Variants in GDPD4 observed in about 807,000 individuals in gnomAD.
GDPD4 encodes the protein glycerophosphodiester phosphodiesterase 6.
GDPD4 carries 60 observed loss-of-function variants against 67.8 expected under a neutral mutation model. That is an observed-to-expected ratio of 0.88 (90% CI 0.72 to 1.10). The LOEUF (loss-of-function observed/expected upper bound fraction) is 1.10, where lower values mean the gene tolerates loss of function less well. Ranked by LOEUF, GDPD4 falls within the 50% of genes least tolerant of loss-of-function variation. The pLI is 0.00. For missense variants in GDPD4, 623 were observed against 613.9 expected, an observed-to-expected ratio of 1.01 and a Z score of -0.16; for synonymous variants, 212 against 210.9, an observed-to-expected ratio of 1.00 and a Z score of -0.04.
At position 77,235,013 on chromosome 11, in the gene GDPD4, T is replaced by TTTTTTTTTTTG. The variant is rs1565512446; in HGVS notation, c.1242-1842_1242-1841insCAAAAAAAAAA. On this transcript the variant is annotated intron_variant, in intron 13 of 16. Transcript: ENST00000315938. ...TCTGCAACCTTGTCAATATCTGTTT[T>TTTTTTTTTTTG]TTTTTTTTTTTTTTTTTTTTTTTTG... Among the ~76,000 whole-genome samples, 4 of 53,060 alleles carry TTTTTTTTTTTG rather than the reference T, an allele frequency of 7.5e-5. No homozygotes were observed. In the East Asian group the frequency reaches 1.9e-3, roughly 25 times the overall value. 34.8% of individuals were successfully genotyped at this position (53,060 alleles called of 152,430 possible).
intron 13 of GDPD4, among the ~76,000 whole-genome samples, chr11:77,235,578 A>C (rs897111964): frequency 6.6e-6 from 1 of 152,248 alleles, no homozygotes; most frequent in Non-Finnish European, 1.5e-5. Context: ...CAATGGAAGA[A>C]AGTCTTTTCA....
chr11:77,232,388 A>G (rs752106822), intron 14 of GDPD4, among the ~76,000 whole-genome samples: 4 of 152,190 alleles, frequency 2.6e-5, no homozygotes, highest in Non-Finnish European at 5.9e-5. Context: ...AGATAAGAAC[A>G]AGTTCTGTAG....
intron 16 of GDPD4, among the ~76,000 whole-genome samples, chr11:77,219,089 G>A (rs575318089): frequency 6.6e-6 from 1 of 152,182 alleles, no homozygotes; most frequent in African/African-American, 2.4e-5. Flanking sequence ...CATTCTAACT[G>A]GTGTGAGATG....
At chr11:77,219,950 T>C (rs1489396216) in intron 16 of GDPD4, among the ~76,000 whole-genome samples, 1 of 152,198 alleles carries the variant, frequency 6.6e-6, no homozygotes, top group Non-Finnish European at 1.5e-5. Context: ...CTGTTATTGG[T>C]GTATAGGAAT....
intron 11 of GDPD4, among the ~76,000 whole-genome samples, 196 bp downstream of exon 11, chr11:77,258,190 A>C (rs962974351): frequency 6.6e-6 from 1 of 152,212 alleles, no homozygotes; most frequent in African/African-American, 2.4e-5. Flanking sequence ...CTTTCTAGTG[A>C]ATGTAGAAAG....
chr11:77,286,659 T>C (rs985567748), intron 2 of GDPD4, among the ~76,000 whole-genome samples: 1 of 152,218 alleles, frequency 6.6e-6, no homozygotes, highest in Non-Finnish European at 1.5e-5. Context: ...TAATCACTTA[T>C]ACCATGTAGC....
intron 3 of GDPD4, among the ~76,000 whole-genome samples, chr11:77,283,332 G>A (rs1180047286): frequency 6.6e-6 from 1 of 152,194 alleles, no homozygotes; most frequent in Non-Finnish European, 1.5e-5. Flanking sequence ...AGAGTGACCA[G>A]TGTCATTTTG....
At chr11:77,222,090 C>A (rs1333670148) in intron 16 of GDPD4, among the ~76,000 whole-genome samples, 2 of 152,228 alleles carry the variant, frequency 1.3e-5, no homozygotes, top group East Asian at 3.9e-4. Flanking sequence ...ATCTTCCTCC[C>A]TCCCTTTATT....
At chr11:77,277,542 A>G (rs1319996359) in intron 4 of GDPD4, among the ~76,000 whole-genome samples, 1 of 151,232 alleles carries the variant, frequency 6.6e-6, no homozygotes, top group African/African-American at 2.4e-5. Flanking sequence ...AGCTGGGACT[A>G]TGGGCGCCCG....
At chr11:77,284,113 TAC>T (rs1959884173) in intron 3 of GDPD4, among the ~76,000 whole-genome samples, 1 of 152,186 alleles carries the variant, frequency 6.6e-6, no homozygotes, top group South Asian at 2.1e-4. Flanking sequence ...TTAGTCAGAA[TAC>T]AAAGATTTAT....
intron 11 of GDPD4, among the ~76,000 whole-genome samples, chr11:77,255,710 A>G (rs542351856): frequency 1.3e-5 from 2 of 152,124 alleles, no homozygotes; most frequent in African/African-American, 4.8e-5. Flanking sequence ...AATACAAAAA[A>G]ATTAGCTGGG....
At chr11:77,242,365 AAC>A (rs1431184101) in intron 13 of GDPD4, among the ~76,000 whole-genome samples, 1 of 152,208 alleles carries the variant, frequency 6.6e-6, no homozygotes, top group Non-Finnish European at 1.5e-5. Context: ...TCACAAATAA[AAC>A]AGAGGGCAAT....
At chr11:77,289,340 G>A (rs1218125177) in intron 1 of GDPD4, among the ~76,000 whole-genome samples, 2 of 146,026 alleles carry the variant, frequency 1.4e-5, no homozygotes, top group Non-Finnish European at 3.0e-5. Context: ...TCCAGCCTAG[G>A]TGACAGAGCA....
Position 77,216,699 on chromosome 11 carries a change from A to C in GDPD4, c.*578T>G, listed in dbSNP as rs1166003944. ...TTTTCCCCTTGCCTAGCCCCTTGAG[A>C]TGCATTCTTGATAGCGAGAGCACAA... On this transcript the variant is annotated 3_prime_UTR_variant, in exon 17 of 17. Coordinates refer to ENST00000315938, the MANE Select transcript of GDPD4 (RefSeq NM_182833.3). The C allele has an allele frequency of 1.8e-5, 10 of 562,240 alleles. No homozygotes were observed. The Admixed American group carries it at 2.8e-4, about 16-fold the overall frequency. 34.8% of individuals were successfully genotyped at this position (562,240 alleles called of 1,614,324 possible). A position where few individuals can be genotyped will look rare whatever the true frequency, so the allele number is the denominator to read the frequency against.
At chr11:77,272,638 T>G (rs1271721888) in intron 5 of GDPD4, among the ~76,000 whole-genome samples, 1 of 152,086 alleles carries the variant, frequency 6.6e-6, no homozygotes, top group Non-Finnish European at 1.5e-5. Context: ...TAGCCAGGTG[T>G]GGTTGCACAC....
chr11:77,279,243 A>G, intron 4 of GDPD4, 63 bp downstream of exon 4: 2 of 1,015,416 alleles, frequency 2.0e-6, no homozygotes, highest in Non-Finnish European at 3.1e-6. Context: ...ACTATACCAC[A>G]GGCAGGAACA....
At position 77,216,907 on chromosome 11, in the gene GDPD4, A is replaced by C; in HGVS notation, c.*370T>G. The C allele has an allele frequency of 1.4e-6, 1 of 693,452 alleles. No individual in the cohort carries two copies. Among genetic ancestry groups the C allele is most frequent in the Admixed American group, 2.0e-5 (1 of 48,950 alleles). The allele number at this position is 693,452 out of a possible 1,614,324, so 43.0% of individuals were successfully genotyped here. On this transcript the variant is annotated 3_prime_UTR_variant, in exon 17 of 17. Coordinates refer to ENST00000315938, the MANE Select transcript of GDPD4 (RefSeq NM_182833.3). ...TGACATAGGATTATTTGGAGTATTC[A>C]GCCATGGGGATCTCTTAGAGGTCTC...
rs566487367 is a variant in GDPD4 at position 77,299,268 on chromosome 11, T to C, written c.-254+2337A>G. ...TCTGTCCCATTAATTTGCCCAAAGATGGAAGAAATCCTAAATGACTATCTC... is the reference window on the plus strand; with the variant it reads ...TCTGTCCCATTAATTTGCCCAAAGACGGAAGAAATCCTAAATGACTATCTC... On this transcript the variant is annotated intron_variant, in intron 1 of 16. Coordinates refer to ENST00000315938, the MANE Select transcript of GDPD4 (RefSeq NM_182833.3). Among the ~76,000 whole-genome samples, 51 of 152,300 alleles carry C rather than the reference T, an allele frequency of 3.3e-4. 1 individual carries two copies. Among genetic ancestry groups the C allele is most frequent in the African/African-American group, 1.2e-3 (50 of 41,566 alleles).
intron 15 of GDPD4, among the ~76,000 whole-genome samples, chr11:77,228,364 C>T (rs61629638): frequency 0.25 from 37,756 of 151,454 alleles, 5,004 homozygotes; most frequent in Admixed American, 0.35. Flanking sequence ...ATTAGCTGGG[C>T]ATGGTGGTGC....
Sources: allele counts gnomAD v4.1 joint callset (sites outside exome capture counted in the v4.1 genomes callset), GRCh38; gene constraint gnomAD v4.1.1; transcripts MANE v1.5; gene names NCBI Gene and HGNC (gene_info 2026-07-23, HGNC 2026-07-21).